Variants in GJB6 observed in about 807,000 individuals in gnomAD.
GJB6 encodes gap junction protein beta 6, also known as gap junction beta-6 protein.
In GJB6, 5 loss-of-function variants were observed where a neutral mutation model predicts 5.4. That is an observed-to-expected ratio of 0.92 (90% confidence interval 0.48 to 1.93). GJB6 has a LOEUF of 1.93. Among genes scored for constraint, GJB6 ranks in the 30% most tolerant of loss-of-function variants. The probability of loss-of-function intolerance (pLI) is 0.01; values close to 1 mark genes in which losing one functional copy is unlikely to be tolerated. For missense variants in GJB6, 298 were observed against 326.9 expected (o/e 0.91, Z 0.68); for synonymous variants, 136 against 129.6 (o/e 1.05, Z -0.34).
chr13:20,225,931 C>A (rs115648530), intron 4 of GJB6, among the ~76,000 whole-genome samples: 3,008 of 152,212 alleles, frequency 0.02, 75 homozygotes, highest in African/African-American at 0.066. Flanking sequence ...GGAGGAACAT[C>A]CTTATCAGCG....
At chr13:20,225,069 A>G (rs1869485229) in intron 4 of GJB6, among the ~76,000 whole-genome samples, 1 of 152,246 alleles carries the variant, frequency 6.6e-6, no homozygotes, top group African/African-American at 2.4e-5. Flanking sequence ...CATCTTTTGT[A>G]GACTTAGAAA....
In GJB6 at chr13:20,222,488, T is replaced by C. The variant is rs1869238302; in HGVS notation, c.*207A>G. Reference sequence around the variant, plus strand: ...ACTGCAATGCTCCTTTGTCAAGCAGTCTCTTGTTTTCAGAGATGGACCACA... The same window carrying C: ...ACTGCAATGCTCCTTTGTCAAGCAGCCTCTTGTTTTCAGAGATGGACCACA... On this transcript the variant is annotated 3_prime_UTR_variant, in exon 5 of 5. Transcript: ENST00000647029. The C allele has an allele frequency of 6.8e-6, 4 of 586,730 alleles. No individual in the cohort carries two copies. The highest frequency in any genetic ancestry group is 1.9e-5 in the African/African-American group (1 of 53,688). The allele number at this position is 586,730 out of a possible 1,614,324, so 36.3% of individuals were successfully genotyped here.
At position 20,228,555 on chromosome 13, in the gene GJB6, C is replaced by T. The variant is rs185229441; in HGVS notation, c.-16+1025G>A. On this transcript the variant is annotated intron_variant, in intron 4 of 4. Transcript: ENST00000647029. ...CTGGAGTACCGTGGCACGATCTCGG[C>T]TCACTGCAAGCTCCGCCTCCCGGGT... Among the ~76,000 whole-genome samples, 127 of 151,594 alleles carry T rather than the reference C, an allele frequency of 8.4e-4. 2 individuals carry two copies. In the Middle Eastern group the frequency reaches 0.02, roughly 24 times the overall value.
chr13:20,223,537 GC>G, intron 4 of GJB6, 42 bp from the exon 5 acceptor site: 1 of 1,491,490 alleles, frequency 6.7e-7, no homozygotes, highest in Non-Finnish European at 9.4e-7. Context: ...AGTGGAAGAG[GC>G]CTTGGGAAAG....
chr13:20,223,607 T>A (rs1312309867), intron 4 of GJB6, 112 bp from the exon 5 acceptor site: 9 of 840,412 alleles, frequency 1.1e-5, no homozygotes, highest in Non-Finnish European at 1.8e-5. Flanking sequence ...TGTGATACTT[T>A]ACAACTTCAA....
intron 4 of GJB6, among the ~76,000 whole-genome samples, chr13:20,228,699 T>C (rs1052605739): frequency 1.4e-4 from 5 of 36,056 alleles, no homozygotes; most frequent in Non-Finnish European, 5.2e-4. Context: ...TTAGCCAGGA[T>C]GGTCTCGATC....
chr13:20,229,138 A>AT (rs1869867214), intron 4 of GJB6, among the ~76,000 whole-genome samples: 3 of 143,992 alleles, frequency 2.1e-5, no homozygotes, highest in African/African-American at 7.8e-5. Context: ...AAAAAAAAAA[A>AT]AAAAAAAAAA....
chr13:20,226,045 T>C (rs1593365907), intron 4 of GJB6, among the ~76,000 whole-genome samples: 1 of 151,922 alleles, frequency 6.6e-6, no homozygotes, highest in Non-Finnish European at 1.5e-5. Context: ...ATTGGAAGGG[T>C]GGGCTCTTTC....
intron 2 of GJB6, 61 bp from the exon 3 acceptor site, chr13:20,230,868 G>A (rs1229129432): frequency 6.6e-6 from 1 of 152,186 alleles, no homozygotes; most frequent in Non-Finnish European, 1.5e-5. Context: ...ATCATTACCT[G>A]TATCAGAATT....
At chr13:20,223,610 A>G in intron 4 of GJB6, 115 bp from the exon 5 acceptor site, 1 of 814,606 alleles carries the variant, frequency 1.2e-6, no homozygotes, top group Non-Finnish European at 2.1e-6. Flanking sequence ...GATACTTTAC[A>G]ACTTCAACTC....
At chr13:20,223,800 C>T (rs1869393776) in intron 4 of GJB6, among the ~76,000 whole-genome samples, 1 of 151,608 alleles carries the variant, frequency 6.6e-6, no homozygotes. Context: ...CCCATCTCTA[C>T]TAACAATACG....
In GJB6 at chr13:20,232,315, A is replaced by T. The variant is rs1870152556; in HGVS notation, c.-541T>A. ...TCGGGCTCTCGTCGGGTTTCGGGTG[A>T]AGGCCCCGGCTCCCACCTGCTGCGC... On this transcript the variant is annotated 5_prime_UTR_variant, in exon 1 of 5. Coordinates refer to ENST00000647029, the MANE Select transcript of GJB6 (RefSeq NM_001110219.3). The T allele has an allele frequency of 6.6e-6, 1 of 150,388 alleles. No homozygotes were observed. The highest frequency in any genetic ancestry group is 1.5e-5 in the Non-Finnish European group (1 of 67,724). 9.3% of individuals were successfully genotyped at this position (150,388 alleles called of 1,614,324 possible).
At position 20,222,799 on chromosome 13, in the gene GJB6, G is replaced by A; in HGVS notation, c.682C>T (p.Gln228Ter). Residue 228 changes from glutamine (Q) to a stop codon, truncating the protein, a stop_gained, in exon 5 of 5, where the codon CAA becomes TAA. Transcript: ENST00000647029. LOFTEE classifies it high-confidence loss of function. Reference sequence around the variant, plus strand: ...AGGGCATGATTGGGGTGATTTTTTTGCGTCTGTGCTCTCTTTGATCTCCTA... The same window carrying A: ...AGGGCATGATTGGGGTGATTTTTTTACGTCTGTGCTCTCTTTGATCTCCTA... ...CFRRSKRAQT[Q>*]KNHPNHALKE... is the part of the protein sequence containing the mutation. 6.2e-7 allele frequency: 1 copy of A among 1,613,524 alleles called. No homozygotes were observed. The highest frequency in any genetic ancestry group is 8.5e-7 in the Non-Finnish European group (1 of 1,179,606).
In GJB6 at chr13:20,223,137, A is replaced by C. The variant is rs185491286; in HGVS notation, c.344T>G (p.Phe115Cys). Residue 115 changes from phenylalanine (F) to cysteine (C), a missense_variant, in exon 5 of 5, where the codon TTC becomes TGC. Transcript: ENST00000647029. The stretch of plus-strand genomic sequence containing the variant: ...CTTTTTAATGTCCTCTATGTCTTTG[A>C]AATCATTCCTCTTCTCTCCTCGCCT... ...KFRRGEKRND[F>C]KDIEDIKKQK... The C allele has an allele frequency of 1.9e-6, 3 of 1,614,154 alleles. No individual in the cohort carries two copies. The East Asian group carries it at 6.7e-5, about 36-fold the overall frequency.
chr13:20,224,884 C>T (rs1412462555), intron 4 of GJB6, among the ~76,000 whole-genome samples: 1 of 152,162 alleles, frequency 6.6e-6, no homozygotes, highest in Non-Finnish European at 1.5e-5. Flanking sequence ...TGAGGGACAC[C>T]TGTCAGCCTC....
intron 4 of GJB6, among the ~76,000 whole-genome samples, chr13:20,228,484 TTG>T (rs58760139): frequency 0.091 from 10,669 of 116,736 alleles, 687 homozygotes; most frequent in African/African-American, 0.26. Flanking sequence ...TTTTTTGTTT[TTG>T]TTTTTTGTTT....
chr13:20,224,815 G>A (rs1021136527), intron 4 of GJB6, among the ~76,000 whole-genome samples: 1 of 152,184 alleles, frequency 6.6e-6, no homozygotes, highest in African/African-American at 2.4e-5. Flanking sequence ...GTCGGGGCAT[G>A]AGGGAGTCAC....
intron 4 of GJB6, among the ~76,000 whole-genome samples, chr13:20,228,050 A>G (rs1398895050): frequency 6.6e-6 from 1 of 152,214 alleles, no homozygotes; most frequent in Non-Finnish European, 1.5e-5. Flanking sequence ...ACATAACCAC[A>G]GGGCATAATC....
In GJB6 at chr13:20,223,076, CG is replaced by C; in HGVS notation, c.404del (p.Thr135SerfsTer33). 1 of 1,613,690 alleles carries C rather than the reference CG, an allele frequency of 6.2e-7. No individual in the cohort carries two copies. Among genetic ancestry groups the C allele is most frequent in the Non-Finnish European group, 8.5e-7 (1 of 1,179,616 alleles). ...TTCGGAAAAAGATGCTGCTGGTGTA[CG>C]TCCACCACAGCGACCCCTCTATCCG... The part of the protein sequence containing the change: ...KVRIEGSLWW[T>X]YTSSIFFRII... On this transcript the variant is annotated frameshift_variant, in exon 5 of 5. Coordinates refer to ENST00000647029, the MANE Select transcript of GJB6 (RefSeq NM_001110219.3). LOFTEE classifies it low-confidence loss of function (END_TRUNC).
Sources: gnomAD v4.1 joint callset for allele counts (sites outside exome capture counted in the v4.1 genomes callset) on GRCh38, gnomAD v4.1.1 for gene constraint, MANE v1.5 for transcripts, NCBI Gene and HGNC (gene_info 2026-07-23, HGNC 2026-07-21) for gene names.